The following RPS6KB2 variants were observed in gnomAD, a reference collection of about 807,000 sequenced individuals.
RPS6KB2 encodes ribosomal protein S6 kinase B2, also known as ribosomal protein S6 kinase beta-2.
RPS6KB2 carries 51 observed loss-of-function variants against 58.2 expected under a neutral mutation model. The ratio of observed to expected loss-of-function variants is 0.88; its 90% CI spans 0.70 to 1.11. The LOEUF is 1.11. Among genes scored for constraint, RPS6KB2 ranks in the 50% least tolerant of loss-of-function variants. RPS6KB2 has a pLI of 0.00. For synonymous variants in RPS6KB2, 293 were observed against 258.6 expected, an observed-to-expected ratio of 1.13 and a Z score of -1.28; for missense variants, 671 against 655.8, an observed-to-expected ratio of 1.02 and a Z score of -0.25.
intron 14 of RPS6KB2, 109 bp downstream of exon 14, chr11:67,434,803 G>T: frequency 9.5e-7 from 1 of 1,047,542 alleles, no homozygotes; most frequent in Non-Finnish European, 1.4e-6. Flanking sequence ...GTTGGCTTCG[G>T]TTGCTGTGTC....
intron 1 of RPS6KB2, 88 bp from the exon 2 acceptor site, chr11:67,428,894 T>C: frequency 6.7e-7 from 1 of 1,496,928 alleles, no homozygotes. Context: ...CTGACACCCT[T>C]CTCTCCTGGG....
intron 4 of RPS6KB2, chr11:67,429,934 C>A (rs1011835890): frequency 1.4e-5 from 3 of 217,762 alleles, no homozygotes; most frequent in African/African-American, 7.1e-5. Context: ...GTGCCTTAGA[C>A]TCCGGAGTAG....
chr11:67,434,706 C>T lies in RPS6KB2; in HGVS notation c.1268+12C>T, dbSNP rs112741692. ...CGGGCCCCCGTCAGGTACTGAGGGA[C>T]GTGGGGGTGTGTGGCTGGGTTAGGG... is the stretch of plus-strand genomic sequence containing the variant. On this transcript the variant is annotated intron_variant, in intron 14 of 14. Coordinates refer to ENST00000312629, the MANE Select transcript of RPS6KB2 (RefSeq NM_003952.3). 8.9e-5 allele frequency: 140 copies of T among 1,580,840 alleles called. No individual in the cohort carries two copies. Among genetic ancestry groups the T allele is most frequent in the African/African-American group, 2.8e-4 (21 of 74,042 alleles).
intron 4 of RPS6KB2, 81 bp downstream of exon 4, chr11:67,429,676 G>C (rs780477249): frequency 8.9e-7 from 1 of 1,118,686 alleles, no homozygotes; most frequent in African/African-American, 1.5e-5. Flanking sequence ...AGACAGCAGG[G>C]AACACAGTGG....
In RPS6KB2 at chr11:67,435,052, G is replaced by T; in HGVS notation, c.1332G>T (p.Glu444Asp). 1 of 1,612,848 alleles carries T rather than the reference G, an allele frequency of 6.2e-7. No individual in the cohort carries two copies. The highest frequency in any genetic ancestry group is 1.3e-5 in the African/African-American group (1 of 75,044). ...GCCCCAGCCTGCCGGAGCCCACGGA[G>T]CTACCTCTACCTCCACTCCTGCCAC... ...RPSPSLPEPT[E>D]LPLPPLLPPP... Residue 444 changes from glutamate (E) to aspartate (D), a missense_variant, in exon 15 of 15, where the codon GAG (glutamate) becomes GAT (aspartate). Glu to Asp is a conservative substitution (Grantham distance 45, BLOSUM62 2). Transcript: ENST00000312629.
chr11:67,433,554 T>G (rs1864123626), intron 10 of RPS6KB2, 107 bp downstream of exon 10: 1 of 848,896 alleles, frequency 1.2e-6, no homozygotes, highest in Non-Finnish European at 1.9e-6. Flanking sequence ...CTGTGCAGTT[T>G]GCCTCTGGGA....
In RPS6KB2 at chr11:67,432,719, C is replaced by A. The variant is rs779644665; in HGVS notation, c.516-18C>A. 1.2e-6 allele frequency: 2 copies of A among 1,613,994 alleles called. No homozygotes were observed. Among genetic ancestry groups the A allele is most frequent in the Non-Finnish European group, 1.7e-6 (2 of 1,179,852 alleles). ...GTCCCTGCTCTACTCCCGCCTTCAC[C>A]CTGTCTTGTTTCTGCAGCTTCTACC... On this transcript the variant is annotated intron_variant, in intron 6 of 14. Transcript: ENST00000312629.
chr11:67,434,536 G>T, intron 13 of RPS6KB2, 46 bp from the exon 14 acceptor site: 2 of 1,598,684 alleles, frequency 1.3e-6, no homozygotes. Flanking sequence ...TCGTGACTAA[G>T]GATGGCAGGC....
In RPS6KB2 at chr11:67,435,247, C is replaced by T. The variant is rs1864231579; in HGVS notation, c.*78C>T. 1 of 1,292,384 alleles carries T rather than the reference C, an allele frequency of 7.7e-7. No homozygotes were observed. The highest frequency in any genetic ancestry group is 1.0e-6 in the Non-Finnish European group (1 of 963,110). 80.1% of individuals were successfully genotyped at this position (1,292,384 alleles called of 1,614,324 possible). A position where few individuals can be genotyped will look rare whatever the true frequency, so the allele number is the denominator to read the frequency against. On this transcript the variant is annotated 3_prime_UTR_variant, in exon 15 of 15. Transcript: ENST00000312629. ...GAGCAGCAGGACCCTGGGCCAGTTC[C>T]AGAGACCTGGGGGTGTGTCTGGGGG...
In RPS6KB2 at chr11:67,432,657, G is replaced by A. The variant is rs770866339; in HGVS notation, c.515G>A (p.Cys172Tyr). The A allele has an allele frequency of 1.4e-5, 22 of 1,614,048 alleles. No individual in the cohort carries two copies. The highest frequency in any genetic ancestry group is 1.9e-5 in the Non-Finnish European group (22 of 1,180,012). ...REGIFLEDTA[C>Y]FYLAEITLAL... ...GGCATCTTCCTGGAAGATACGGCCT[G>A]GTGGGTGTTAATCCTCCGCTTTCCT... The change falls in exon 6 of 15, where the codon TGC (cysteine) becomes TAC (tyrosine). Residue 172 changes from cysteine to tyrosine, a missense_variant and splice_region_variant. Cys to Tyr is a radical substitution (Grantham distance 194). Transcript: ENST00000312629.
intron 1 of RPS6KB2, 82 bp downstream of exon 1, chr11:67,428,705 C>T: frequency 2.2e-6 from 3 of 1,348,962 alleles, no homozygotes; most frequent in South Asian, 1.3e-5. Context: ...CTCCGCACGC[C>T]CAGAGCGGGC....
chr11:67,431,979 T>TCCCGCTCACCTG (rs1864036990), intron 5 of RPS6KB2: 1 of 274,910 alleles, frequency 3.6e-6, no homozygotes, highest in Non-Finnish European at 7.2e-6. Flanking sequence ...TTCTAGTGTC[T>TCCCGCTCACCTG]CCTCTGCCGA....
At chr11:67,434,871 T>C (rs1864211532) in intron 14 of RPS6KB2, 118 bp from the exon 15 acceptor site, 3 of 1,111,060 alleles carry the variant, frequency 2.7e-6, no homozygotes, top group Non-Finnish European at 4.0e-6. Flanking sequence ...GATGGGAGTT[T>C]GTGGAGCCCG....
At chr11:67,432,265 T>C (rs1240817345) in intron 5 of RPS6KB2, 8 of 568,482 alleles carry the variant, frequency 1.4e-5, no homozygotes, top group Middle Eastern at 2.7e-4. Context: ...TTCCCTGTCT[T>C]CTCTGCGAGA....
At chr11:67,434,334 T>A in intron 12 of RPS6KB2, 43 bp from the exon 13 acceptor site, 1 of 1,610,076 alleles carries the variant, frequency 6.2e-7, no homozygotes, top group Non-Finnish European at 8.5e-7. Flanking sequence ...AGAACCTGCA[T>A]CTTGGTGCCC....
Position 67,429,130 on chromosome 11 carries a change from C to A in RPS6KB2, c.130C>A (p.His44Asn). 1.2e-6 allele frequency: 2 copies of A among 1,613,980 alleles called. No homozygotes were observed. Among genetic ancestry groups the A allele is most frequent in the South Asian group, 2.2e-5 (2 of 91,082 alleles). Residue 44 changes from histidine (H) to asparagine (N), a missense_variant, in exon 3 of 15, where the codon CAC becomes AAC. By Grantham distance (68) the His-to-Asn change is moderately conservative. Transcript: ENST00000312629. ...LRAAGLEPVG[H>N]YEEVELTETS... ...TCCTTGTGTCCGTAGGCCTGTGGGACACTATGAAGAGGTGGAGCTGACTGA... is the reference window on the plus strand; with the variant it reads ...TCCTTGTGTCCGTAGGCCTGTGGGAAACTATGAAGAGGTGGAGCTGACTGA...
chr11:67,431,503 G>C lies in RPS6KB2; in HGVS notation c.445G>C (p.Glu149Gln), dbSNP rs936208933. ...QTGGKLYLILECLSGGELFTH... is the reference protein window; with the variant it reads ...QTGGKLYLILQCLSGGELFTH... ...TGGTGGCAAACTCTACCTCATCCTTGAGTGCCTCAGTGGTATGAGTGCGGG... is the reference window on the plus strand; with the variant it reads ...TGGTGGCAAACTCTACCTCATCCTTCAGTGCCTCAGTGGTATGAGTGCGGG... The change falls in exon 5 of 15, where the codon GAG (glutamate) becomes CAG (glutamine). Residue 149 changes from glutamate to glutamine, a missense_variant. Glu to Gln is a conservative substitution (Grantham distance 29). Transcript: ENST00000312629. The C allele has an allele frequency of 6.2e-7, 1 of 1,613,976 alleles. No homozygotes were observed. Among genetic ancestry groups the C allele is most frequent in the Admixed American group, 1.7e-5 (1 of 60,006 alleles).
rs139837310 is a variant in RPS6KB2 at position 67,431,525 on chromosome 11, C to T, written c.457+10C>T. ...CTTGAGTGCCTCAGTGGTATGAGTG[C>T]GGGCCCAGGCAGGGGTGCTGGGGGT... On this transcript the variant is annotated intron_variant, in intron 5 of 14. Coordinates refer to ENST00000312629, the MANE Select transcript of RPS6KB2 (RefSeq NM_003952.3). 2.1e-4 allele frequency: 342 copies of T among 1,612,288 alleles called. 1 individual carries two copies. The African/African-American group carries it at 3.4e-3, about 16-fold the overall frequency.
Position 67,432,801 on chromosome 11 carries a change from G to A in RPS6KB2, c.580G>A (p.Asp194Asn), listed in dbSNP as rs1017434741. 8.1e-6 allele frequency: 13 copies of A among 1,614,096 alleles called. No homozygotes were observed. Among genetic ancestry groups the A allele is most frequent in the Non-Finnish European group, 1.0e-5 (12 of 1,180,022 alleles). ...HLHSQGIIYR[D>N]LKPENIMLSS... ...CCACTCCCAGGGCATCATCTACCGG[G>A]ACCTCAAGCCCGAGAACATCATGCT... Residue 194 changes from aspartate (D) to asparagine (N), a missense_variant, in exon 7 of 15, where the codon GAC becomes AAC. Physicochemically the swap from Asp to Asn is conservative, Grantham distance 23. Coordinates refer to ENST00000312629, the MANE Select transcript of RPS6KB2 (RefSeq NM_003952.3).
Sources: gnomAD v4.1 joint callset for allele counts on GRCh38, gnomAD v4.1.1 for gene constraint, MANE v1.5 for transcripts, NCBI Gene and HGNC (gene_info 2026-07-23, HGNC 2026-07-21) for gene names.